Variants in RMND5B observed in about 807,000 individuals in gnomAD.
The protein encoded by RMND5B is E3 ubiquitin-protein transferase RMND5B.
Under a neutral mutation model 50.4 loss-of-function variants are expected in RMND5B, and 42 were observed. The ratio of observed to expected loss-of-function variants is 0.83; its 90% CI spans 0.65 to 1.08. The LOEUF (loss-of-function observed/expected upper bound fraction) is 1.08. Ranked by LOEUF, RMND5B falls within the 50% of genes least tolerant of loss-of-function variation. The pLI is 0.00. For missense variants in RMND5B, 463 were observed against 508.5 expected (o/e 0.91, Z 0.86); for synonymous variants, 220 against 210.0 (o/e 1.05, Z -0.41).
Position 178,142,941 on chromosome 5 carries a change from G to C in RMND5B, c.375G>C (p.Val125=). 6.2e-7 allele frequency: 1 copy of C among 1,614,248 alleles called. No individual in the cohort carries two copies. The highest frequency in any genetic ancestry group is 1.1e-5 in the South Asian group (1 of 91,088). Residue 125 remains valine (V), a synonymous_variant, in exon 5 of 11, where the codon GTG becomes GTC. Coordinates refer to ENST00000313386, the MANE Select transcript of RMND5B (RefSeq NM_022762.5). The part of the protein sequence containing the change: ...QQQQILQMAI[V]EHLYQQGMLS... ...AGCAGATCCTGCAGATGGCCATCGT[G>C]GAACACCTGTATCAGCAGGGCATGC...
At chr5:178,142,458 T>C in intron 3 of RMND5B, 125 bp from the exon 4 acceptor site, 1 of 1,101,336 alleles carries the variant, frequency 9.1e-7, no homozygotes. Context: ...GCTAGTTCTT[T>C]CACCCTGGCA....
At chr5:178,140,130 T>A (rs1758839663) in intron 3 of RMND5B, among the ~76,000 whole-genome samples, 1 of 152,186 alleles carries the variant, frequency 6.6e-6, no homozygotes, top group Non-Finnish European at 1.5e-5. Flanking sequence ...TCTCAGTGCA[T>A]CACACTGGAA....
At chr5:178,144,731 A>AAAAAAAAAAAAAAAAAAAAAAAAC (rs1472431349) in intron 7 of RMND5B, among the ~76,000 whole-genome samples, 1 of 151,604 alleles carries the variant, frequency 6.6e-6, no homozygotes, top group Non-Finnish European at 1.5e-5. Context: ...AAAAAAAAAA[A>AAAAAAAAAAAAAAAAAAAAAAAAC]AAGACTTGTC....
At chr5:178,143,785 G>A (rs1375303552) in intron 6 of RMND5B, 58 bp downstream of exon 6, 2 of 1,474,036 alleles carry the variant, frequency 1.4e-6, no homozygotes, top group Non-Finnish European at 1.9e-6. Context: ...AGGGCACAGG[G>A]CTTGACTGTG....
In RMND5B at chr5:178,142,611, C is replaced by T. The variant is rs780739805; in HGVS notation, c.168C>T (p.Thr56=). The part of the protein sequence containing the change: ...AALQGTPLSA[T]LSLVMSQCCR... ...TCCAGGGGACCCCTCTCTCAGCCAC[C>T]CTCTCTCTGGTGATGTCACAGTGCT... is the stretch of plus-strand genomic sequence containing the variant. The change falls in exon 4 of 11, where the codon ACC becomes ACT. Residue 56 remains threonine, a synonymous_variant. Transcript: ENST00000313386. 1.9e-6 allele frequency: 3 copies of T among 1,613,694 alleles called. No homozygotes were observed. The highest frequency in any genetic ancestry group is 2.5e-6 in the Non-Finnish European group (3 of 1,179,758).
At position 178,150,280 on chromosome 5, in the gene RMND5B, T is replaced by C. The variant is rs1186139674; in HGVS notation, c.*2248T>C. 1 of 222,560 alleles carries C rather than the reference T, an allele frequency of 4.5e-6. No individual in the cohort carries two copies. Among genetic ancestry groups the C allele is most frequent in the Non-Finnish European group, 9.1e-6 (1 of 109,324 alleles). 13.8% of individuals were successfully genotyped at this position (222,560 alleles called of 1,614,324 possible). A position where few individuals can be genotyped will look rare whatever the true frequency, so the allele number is the denominator to read the frequency against. ...CATAGTCCACAGATAACTGACTATT[T>C]GGTTCTTACCATCAGGCCAAACGGT... is the stretch of plus-strand genomic sequence containing the variant. On this transcript the variant is annotated 3_prime_UTR_variant, in exon 11 of 11. Transcript: ENST00000313386.
At chr5:178,147,134 G>A (rs567997824) in intron 8 of RMND5B, 5 of 185,140 alleles carry the variant, frequency 2.7e-5, no homozygotes, top group East Asian at 1.5e-4. Flanking sequence ...TTTGTTAGGC[G>A]GCCTAGTTGA....
At chr5:178,145,969 C>G (rs1225401436) in intron 7 of RMND5B, 145 bp from the exon 8 acceptor site, 1 of 749,438 alleles carries the variant, frequency 1.3e-6, no homozygotes, top group African/African-American at 1.8e-5. Flanking sequence ...TGCCTGAGGG[C>G]ATTTTCATCC....
At position 178,149,946 on chromosome 5, in the gene RMND5B, G is replaced by T; in HGVS notation, c.*1914G>T. ...CTAATCTGGCCCACAACCATGTTCT[G>T]TTCGGTCCATGTTCTATTTAAAAGC... On this transcript the variant is annotated 3_prime_UTR_variant, in exon 11 of 11. Coordinates refer to ENST00000313386, the MANE Select transcript of RMND5B (RefSeq NM_022762.5). 1 of 1,218,736 alleles carries T rather than the reference G, an allele frequency of 8.2e-7. No individual in the cohort carries two copies. The highest frequency in any genetic ancestry group is 2.4e-5 in the East Asian group (1 of 42,112). 75.5% of individuals were successfully genotyped at this position (1,218,736 alleles called of 1,614,324 possible).
In RMND5B at chr5:178,148,149, G is replaced by A; in HGVS notation, c.*117G>A. On this transcript the variant is annotated 3_prime_UTR_variant, in exon 11 of 11. Coordinates refer to ENST00000313386, the MANE Select transcript of RMND5B (RefSeq NM_022762.5). ...TGGTTTCAGAGCGCCTGGCTGAGGA[G>A]TTCCACTGAGGGGAGCACTGGAGCA... 1.0e-6 allele frequency: 1 copy of A among 992,508 alleles called. No individual in the cohort carries two copies. The highest frequency in any genetic ancestry group is 1.6e-6 in the Non-Finnish European group (1 of 636,710). The allele number at this position is 992,508 out of a possible 1,614,324, so 61.5% of individuals were successfully genotyped here. A position where few individuals can be genotyped will look rare whatever the true frequency, so the allele number is the denominator to read the frequency against.
chr5:178,137,986 A>G lies in RMND5B; in HGVS notation c.-12-122A>G, dbSNP rs1758705032. 1 of 906,490 alleles carries G rather than the reference A, an allele frequency of 1.1e-6. No individual in the cohort carries two copies. The highest frequency in any genetic ancestry group is 1.7e-6 in the Non-Finnish European group (1 of 604,262). The allele number at this position is 906,490 out of a possible 1,614,324, so 56.2% of individuals were successfully genotyped here. On this transcript the variant is annotated intron_variant, in intron 2 of 10. Coordinates refer to ENST00000313386, the MANE Select transcript of RMND5B (RefSeq NM_022762.5). This position sits in a 1 kb window ranked among gnomAD's most constrained non-coding sequence, Gnocchi z 4.4. ...AGGTACATATATACATATATGTACA[A>G]AACATATAACATTGATACATGATGT...
chr5:178,135,275 G>A (rs1348593325), intron 2 of RMND5B: 9 of 229,716 alleles, frequency 3.9e-5, no homozygotes, highest in South Asian at 3.5e-4. Context: ...TCAGCCTTCT[G>A]AGGAGCTGGG....
chr5:178,138,506 T>A lies in RMND5B; in HGVS notation c.139+248T>A. On this transcript the variant is annotated intron_variant, in intron 3 of 10. Coordinates refer to ENST00000313386, the MANE Select transcript of RMND5B (RefSeq NM_022762.5). The surrounding 1 kb of genome is among the most constrained non-coding windows in gnomAD (Gnocchi z 5.1). ...ACTTACTTTTCTATTTTTAACTTTT[T>A]TTCATTTTATAATTGTGTGTGTGTG... 1 of 976,146 alleles carries A rather than the reference T, an allele frequency of 1.0e-6. No homozygotes were observed. The highest frequency in any genetic ancestry group is 1.4e-6 in the Non-Finnish European group (1 of 731,666). The allele number at this position is 976,146 out of a possible 1,614,324, so 60.5% of individuals were successfully genotyped here. A position where few individuals can be genotyped will look rare whatever the true frequency, so the allele number is the denominator to read the frequency against.
rs548972284 is a variant in RMND5B at position 178,147,515 on chromosome 5, CCT to C, written c.861-17_861-16del. The C allele has an allele frequency of 2.7e-4, 438 of 1,610,364 alleles. 1 individual carries two copies. In the African/African-American group the frequency reaches 3.6e-3, roughly 13 times the overall value. ...TGCTGTGATCTGAGCCACTCTAGCC[CCT>C]GTTCCTTGTCTGCAGCTTTGCCTCT... On this transcript the variant is annotated splice_polypyrimidine_tract_variant and intron_variant, in intron 8 of 10. Coordinates refer to ENST00000313386, the MANE Select transcript of RMND5B (RefSeq NM_022762.5).
At chr5:178,143,473 G>C (rs1755799650) in intron 5 of RMND5B, among the ~76,000 whole-genome samples, 154 bp from the exon 6 acceptor site, 1 of 152,242 alleles carries the variant, frequency 6.6e-6, no homozygotes, top group Admixed American at 6.5e-5. Context: ...ATGGGAACAA[G>C]AGAGGCCCAA....
In RMND5B at chr5:178,137,944, T is replaced by C. The variant is rs1018186876; in HGVS notation, c.-12-164T>C. On this transcript the variant is annotated intron_variant, in intron 2 of 10. Coordinates refer to ENST00000313386, the MANE Select transcript of RMND5B (RefSeq NM_022762.5). This position sits in a 1 kb window ranked among gnomAD's most constrained non-coding sequence, Gnocchi z 4.4. ...AGTGGAGTGAGGAGATGGGATGTTA[T>C]ATGCTTACCAAAACATAGGTACATA... Among the ~76,000 whole-genome samples the C allele has an allele frequency of 6.6e-6, 1 of 152,186 alleles. No individual in the cohort carries two copies. The highest frequency in any genetic ancestry group is 1.5e-5 in the Non-Finnish European group (1 of 68,020).
rs752294976 is a variant in RMND5B at position 178,138,000 on chromosome 5, GATA to G, written c.-12-107_-12-105del. 1.4e-4 allele frequency: 138 copies of G among 978,342 alleles called. No individual in the cohort carries two copies. Among genetic ancestry groups the G allele is most frequent in the East Asian group, 6.3e-4 (24 of 37,836 alleles). The allele number at this position is 978,342 out of a possible 1,614,324, so 60.6% of individuals were successfully genotyped here. A position where few individuals can be genotyped will look rare whatever the true frequency, so the allele number is the denominator to read the frequency against. Reference sequence around the variant, plus strand: ...ATATATGTACAAAACATATAACATTGATACATGATGTGGGAATGGTGAGAGGGA... The same window carrying G: ...ATATATGTACAAAACATATAACATTGCATGATGTGGGAATGGTGAGAGGGA... On this transcript the variant is annotated intron_variant, in intron 2 of 10. Coordinates refer to ENST00000313386, the MANE Select transcript of RMND5B (RefSeq NM_022762.5). This position sits in a 1 kb window ranked among gnomAD's most constrained non-coding sequence, Gnocchi z 4.4.
At chr5:178,132,867 TTG>T (rs1423815366) in intron 2 of RMND5B, among the ~76,000 whole-genome samples, 4 of 105,724 alleles carry the variant, frequency 3.8e-5, no homozygotes, top group African/African-American at 1.6e-4. Flanking sequence ...TTGTTTTTGT[TTG>T]TTTGTTTGTT....
rs1240362887 is a variant in RMND5B, at chr5:178,150,471, C to G, written c.*2439C>G. ...TCATGGCTCACTGCAGCCTTGAACT[C>G]CTGGGTTCAAGTGATCTCCTGCTTT... is the stretch of plus-strand genomic sequence containing the variant. On this transcript the variant is annotated 3_prime_UTR_variant, in exon 11 of 11. Transcript: ENST00000313386. 1 of 355,832 alleles carries G rather than the reference C, an allele frequency of 2.8e-6. No individual in the cohort carries two copies. The highest frequency in any genetic ancestry group is 2.1e-5 in the African/African-American group (1 of 46,746). The allele number at this position is 355,832 out of a possible 1,614,324, so 22.0% of individuals were successfully genotyped here. A position where few individuals can be genotyped will look rare whatever the true frequency, so the allele number is the denominator to read the frequency against.
Sources: gnomAD v4.1 joint callset for allele counts (sites outside exome capture counted in the v4.1 genomes callset) on GRCh38, gnomAD v4.1.1 for gene constraint, Gnocchi (gnomAD v3.1) non-coding constraint, MANE v1.5 for transcripts, NCBI Gene and HGNC (gene_info 2026-07-23, HGNC 2026-07-21) for gene names.